GAD2: variants seen among roughly 807,000 people sequenced by gnomAD.
The protein encoded by GAD2 is glutamate decarboxylase 2.
Under a neutral mutation model 80.1 loss-of-function variants are expected in GAD2, and 22 were observed. The observed-to-expected ratio is 0.27, with a 90% CI of 0.20 to 0.39. GAD2 has a LOEUF of 0.39. Ranked by LOEUF, GAD2 falls within the 10% of genes least tolerant of loss-of-function variation. The pLI is 1.00. For missense variants in GAD2, 624 were observed against 738.4 expected (o/e 0.85, Z 1.80); for synonymous variants, 274 against 256.9 (o/e 1.07, Z -0.64).
In GAD2 at chr10:26,217,772, G is replaced by A; in HGVS notation, c.137-70G>A. The A allele has an allele frequency of 6.3e-7, 1 of 1,580,776 alleles. No individual in the cohort carries two copies. Among genetic ancestry groups the A allele is most frequent in the Non-Finnish European group, 8.6e-7 (1 of 1,162,350 alleles). On this transcript the variant is annotated intron_variant, in intron 2 of 15. Transcript: ENST00000376261. The surrounding 1 kb of genome is among the most constrained non-coding windows in gnomAD (Gnocchi z 4.9). ...GCGGAGTCGGGGTTTCCTGGCTGCGGGTAGGCGGGAGCGAGGGAGCCGGGC... is the reference window on the plus strand; with the variant it reads ...GCGGAGTCGGGGTTTCCTGGCTGCGAGTAGGCGGGAGCGAGGGAGCCGGGC...
intron 11 of GAD2, among the ~76,000 whole-genome samples, chr10:26,274,583 CA>C (rs1264629936): frequency 4.6e-5 from 7 of 152,212 alleles, no homozygotes; most frequent in African/African-American, 1.7e-4. Flanking sequence ...AAAAGCGTCA[CA>C]CTGGCTCTGC....
Position 26,229,773 on chromosome 10 carries a change from A to T in GAD2, c.836A>T (p.Glu279Val). The change falls in exon 7 of 16, where the codon GAA becomes GTA. Residue 279 changes from glutamate (E) to valine (V), a missense_variant. Glu to Val is a moderately radical substitution (Grantham distance 121, BLOSUM62 -2). Coordinates refer to ENST00000376261, the MANE Select transcript of GAD2 (RefSeq NM_001134366.2). ...CCCAGGCTCATTGCCTTCACGTCTG[A>T]ACATGTATGTGTTTCTTTTCCTTGC... ...ALPRLIAFTSEHSHFSLKKGA... is the reference protein window; with the variant it reads ...ALPRLIAFTSVHSHFSLKKGA... The T allele has an allele frequency of 1.2e-6, 2 of 1,606,970 alleles. No individual in the cohort carries two copies. The highest frequency in any genetic ancestry group is 1.3e-5 in the African/African-American group (1 of 74,884).
chr10:26,229,786 T>A lies in GAD2; in HGVS notation c.840+9T>A. 1 of 1,589,944 alleles carries A rather than the reference T, an allele frequency of 6.3e-7. No homozygotes were observed. Among genetic ancestry groups the A allele is most frequent in the Non-Finnish European group, 8.6e-7 (1 of 1,158,740 alleles). On this transcript the variant is annotated intron_variant, in intron 7 of 15. Coordinates refer to ENST00000376261, the MANE Select transcript of GAD2 (RefSeq NM_001134366.2). ...CCTTCACGTCTGAACATGTATGTGT[T>A]TCTTTTCCTTGCAAGTTTAAGGTTA... is the stretch of plus-strand genomic sequence containing the variant.
chr10:26,270,812 G>T, intron 10 of GAD2, 56 bp downstream of exon 10: 1 of 1,084,024 alleles, frequency 9.2e-7, no homozygotes, highest in Non-Finnish European at 1.4e-6. Flanking sequence ...TTTCATGTGG[G>T]ACACACAAAG....
chr10:26,264,434 G>T (rs369662337), intron 8 of GAD2, among the ~76,000 whole-genome samples: 1 of 151,286 alleles, frequency 6.6e-6, no homozygotes, highest in Non-Finnish European at 1.5e-5. Flanking sequence ...TCAGCCTCCA[G>T]AGTAGCTGGG....
At chr10:26,297,739 C>T (rs1470962833) in intron 15 of GAD2, among the ~76,000 whole-genome samples, 2 of 152,148 alleles carry the variant, frequency 1.3e-5, no homozygotes, top group Non-Finnish European at 2.9e-5. Flanking sequence ...GAAGAGACAG[C>T]CTCCAGCATG....
At position 26,302,331 on chromosome 10, in the gene GAD2, C is replaced by T. The variant is rs1834336603; in HGVS notation, c.*1370C>T. 6.6e-6 allele frequency: 1 copy of T among 151,916 alleles called. No individual in the cohort carries two copies. The highest frequency in any genetic ancestry group is 1.5e-5 in the Non-Finnish European group (1 of 67,998). 9.4% of individuals were successfully genotyped at this position (151,916 alleles called of 1,614,324 possible). A position where few individuals can be genotyped will look rare whatever the true frequency, so the allele number is the denominator to read the frequency against. ...CATTATCTTAAGATTTTCCTTTATC[C>T]ATCTCCCATCGAGATCCAAAGTGAC... On this transcript the variant is annotated 3_prime_UTR_variant, in exon 16 of 16. Coordinates refer to ENST00000376261, the MANE Select transcript of GAD2 (RefSeq NM_001134366.2).
intron 8 of GAD2, among the ~76,000 whole-genome samples, chr10:26,258,095 G>C (rs1844965275): frequency 1.3e-5 from 2 of 152,152 alleles, no homozygotes; most frequent in African/African-American, 2.4e-5. Context: ...CACTGATTGA[G>C]AGTTTATGCC....
chr10:26,286,446 C>A lies in GAD2; in HGVS notation c.1338C>A (p.Cys446Ter), dbSNP rs760375732. 3 of 1,613,846 alleles carry A rather than the reference C, an allele frequency of 1.9e-6. No individual in the cohort carries two copies. Among genetic ancestry groups the A allele is most frequent in the East Asian group, 2.2e-5 (1 of 44,870 alleles). ...SYDTGDKALQ[C>*]GRHVDVFKLW... ...ACACTGGAGACAAGGCCTTACAGTG[C>A]GGACGCCACGTTGATGTTTTTAAAC... Residue 446 changes from cysteine (C) to a stop codon, truncating the protein, a stop_gained, in exon 13 of 16, where the codon TGC becomes TGA. Coordinates refer to ENST00000376261, the MANE Select transcript of GAD2 (RefSeq NM_001134366.2). LOFTEE classifies it high-confidence loss of function.
intron 9 of GAD2, among the ~76,000 whole-genome samples, chr10:26,269,745 G>GGT (rs1170469227): frequency 3.3e-5 from 5 of 152,100 alleles, no homozygotes; most frequent in Non-Finnish European, 1.5e-5. Context: ...TTTACCATTT[G>GGT]GTAGATATAA....
intron 7 of GAD2, among the ~76,000 whole-genome samples, chr10:26,233,885 G>A (rs1347277882): frequency 3.9e-5 from 6 of 152,164 alleles, no homozygotes; most frequent in African/African-American, 9.7e-5. Flanking sequence ...CAAGACAGAC[G>A]CTGCTTCGGG....
chr10:26,225,545 G>C (rs569831254), intron 6 of GAD2, among the ~76,000 whole-genome samples: 58 of 152,274 alleles, frequency 3.8e-4, no homozygotes, highest in Non-Finnish European at 6.2e-4. Flanking sequence ...AGCAACACCT[G>C]TCGTTGTGTC....
At chr10:26,299,285 C>G (rs1288125758) in intron 15 of GAD2, among the ~76,000 whole-genome samples, 1 of 152,160 alleles carries the variant, frequency 6.6e-6, no homozygotes, top group Non-Finnish European at 1.5e-5. Context: ...GTCACATGTT[C>G]ATAACAGCAT....
chr10:26,286,158 A>G (rs1397383806), intron 12 of GAD2, among the ~76,000 whole-genome samples, 187 bp from the exon 13 acceptor site: 15 of 152,190 alleles, frequency 9.9e-5, no homozygotes. Flanking sequence ...CACAGAGTTG[A>G]CCATTACAAC....
Position 26,216,944 on chromosome 10 carries a change from G to T in GAD2, c.76+59G>T. ...GTTTTGCGGTGGTCTGGGGTTTGCG[G>T]AACTACGGAGAAGACGAAGGAGGTT... On this transcript the variant is annotated intron_variant, in intron 1 of 15. Transcript: ENST00000376261. The surrounding 1 kb of genome is among the most constrained non-coding windows in gnomAD (Gnocchi z 4.7). 1 of 1,424,044 alleles carries T rather than the reference G, an allele frequency of 7.0e-7. No individual in the cohort carries two copies. The highest frequency in any genetic ancestry group is 9.8e-7 in the Non-Finnish European group (1 of 1,025,294). 88.2% of individuals were successfully genotyped at this position (1,424,044 alleles called of 1,614,324 possible). A position where few individuals can be genotyped will look rare whatever the true frequency, so the allele number is the denominator to read the frequency against.
upstream of GAD2, chr10:26,216,547 G>A (rs1221582988): frequency 5.4e-5 from 18 of 334,294 alleles, 1 homozygote; most frequent in East Asian, 9.2e-4. The surrounding 1 kb of genome is among the most constrained non-coding windows in gnomAD (Gnocchi z 4.7). Context: ...GGACCCTTAG[G>A]TAGTCCCGGT....
chr10:26,235,441 C>T lies in GAD2; in HGVS notation c.840+5664C>T, dbSNP rs187310144. Among the ~76,000 whole-genome samples, 413 of 152,344 alleles carry T rather than the reference C, an allele frequency of 2.7e-3. 2 individuals are homozygous for T. Among genetic ancestry groups the T allele is most frequent in the Non-Finnish European group, 3.0e-3 (202 of 68,032 alleles). On this transcript the variant is annotated intron_variant, in intron 7 of 15. Coordinates refer to ENST00000376261, the MANE Select transcript of GAD2 (RefSeq NM_001134366.2). ...TACCCACTTCTTTTCTGGCCACCAACACCGACTAGAGCTTTGCTTATCTGA... is the reference window on the plus strand; with the variant it reads ...TACCCACTTCTTTTCTGGCCACCAATACCGACTAGAGCTTTGCTTATCTGA...
chr10:26,218,049 C>A lies in GAD2; in HGVS notation c.286+58C>A, dbSNP rs1055869838. ...CTGCCCCTCTCTCTGCCCCGCCCAC[C>A]GCGGCCGGTGCGGGTCCGGCGCTGA... On this transcript the variant is annotated intron_variant, in intron 3 of 15. Transcript: ENST00000376261. The A allele has an allele frequency of 2.5e-5, 38 of 1,510,066 alleles. No individual in the cohort carries two copies. In the South Asian group the frequency reaches 4.7e-4, roughly 19 times the overall value. The allele number at this position is 1,510,066 out of a possible 1,614,324, so 93.5% of individuals were successfully genotyped here. A position where few individuals can be genotyped will look rare whatever the true frequency, so the allele number is the denominator to read the frequency against.
intron 12 of GAD2, among the ~76,000 whole-genome samples, chr10:26,285,768 GTTT>G (rs11351928): frequency 1.4e-5 from 2 of 145,144 alleles, no homozygotes; most frequent in Non-Finnish European, 3.0e-5. Context: ...CAATATGTGG[GTTT>G]TTTTTTTTTT....
Sources: gnomAD v4.1 joint callset for allele counts (sites outside exome capture counted in the v4.1 genomes callset) on GRCh38, gnomAD v4.1.1 for gene constraint, Gnocchi (gnomAD v3.1) non-coding constraint, MANE v1.5 for transcripts, NCBI Gene and HGNC (gene_info 2026-07-23, HGNC 2026-07-21) for gene names.